CACNB4: variants seen among roughly 807,000 people sequenced by gnomAD.
CACNB4 encodes the protein calcium voltage-gated channel auxiliary subunit beta 4.
In CACNB4, 32 loss-of-function variants were observed where a neutral mutation model predicts 71.2. The observed-to-expected ratio is 0.45, with a 90% confidence interval of 0.34 to 0.60. CACNB4 has a LOEUF of 0.60. CACNB4 is among the 20% of genes least tolerant of loss of function. The pLI is 0.01. For synonymous variants in CACNB4, 231 were observed against 236.9 expected, an observed-to-expected ratio of 0.97 and a Z score of 0.23; for missense variants, 464 against 647.9, an observed-to-expected ratio of 0.72 and a Z score of 3.08.
chr2:151,993,331 A>C (rs1324598789), intron 2 of CACNB4, among the ~76,000 whole-genome samples: 1 of 152,090 alleles, frequency 6.6e-6, no homozygotes, highest in Non-Finnish European at 1.5e-5. Flanking sequence ...CAGGGACAGG[A>C]AATAGGAGCC....
intron 2 of CACNB4, chr2:151,972,399 G>A (rs78968556): frequency 0.014 from 2,173 of 152,418 alleles, 25 homozygotes; most frequent in Middle Eastern, 0.044. Flanking sequence ...CTGGCTTACT[G>A]AACTCCTGTA....
chr2:151,904,993 A>T (rs1346618598), intron 2 of CACNB4, among the ~76,000 whole-genome samples: 1 of 152,204 alleles, frequency 6.6e-6, no homozygotes, highest in East Asian at 1.9e-4. Context: ...TTCAAAAAGA[A>T]GAACTAGAAT....
chr2:151,970,935 C>T (rs2099872352), intron 2 of CACNB4: 1 of 150,956 alleles, frequency 6.6e-6, no homozygotes, highest in Non-Finnish European at 1.5e-5. Flanking sequence ...AAAAAGGCTC[C>T]ACAGGACTCA....
intron 2 of CACNB4, among the ~76,000 whole-genome samples, chr2:151,898,714 T>C (rs1323251790): frequency 6.6e-6 from 1 of 152,274 alleles, no homozygotes; most frequent in Non-Finnish European, 1.5e-5. Flanking sequence ...TTATTAAAAA[T>C]AGGTCTTTTG....
intron 9 of CACNB4, among the ~76,000 whole-genome samples, chr2:151,862,726 GA>G (rs1280040044): frequency 2.0e-5 from 3 of 152,160 alleles, no homozygotes; most frequent in Non-Finnish European, 2.9e-5. Flanking sequence ...TACCAAGAGG[GA>G]AACTGAGACA....
chr2:151,974,392 A>G (rs182931529), intron 2 of CACNB4, among the ~76,000 whole-genome samples: 10 of 152,344 alleles, frequency 6.6e-5, no homozygotes, highest in African/African-American at 2.4e-4. Context: ...AAAAATGACT[A>G]GAATAAACAG....
At chr2:152,038,272 A>T (rs1466463974) in intron 2 of CACNB4, among the ~76,000 whole-genome samples, 2 of 152,222 alleles carry the variant, frequency 1.3e-5, no homozygotes. Context: ...GGTAACTCTC[A>T]CACCAGAGTG....
intron 2 of CACNB4, among the ~76,000 whole-genome samples, chr2:152,062,952 A>G (rs1204171542): frequency 2.0e-5 from 3 of 152,228 alleles, no homozygotes; most frequent in Non-Finnish European, 2.9e-5. Flanking sequence ...GATTAGCTTT[A>G]GGGTGTGGGC....
intron 2 of CACNB4, among the ~76,000 whole-genome samples, chr2:152,059,761 T>G (rs1446044729): frequency 2.0e-5 from 3 of 152,176 alleles, no homozygotes; most frequent in African/African-American, 7.2e-5. Flanking sequence ...ACATGAAATT[T>G]GGGAGAGGCC....
intron 2 of CACNB4, among the ~76,000 whole-genome samples, chr2:151,999,902 C>A (rs766795271): frequency 2.6e-5 from 4 of 152,202 alleles, no homozygotes; most frequent in Admixed American, 6.5e-5. Flanking sequence ...AGTAATAACA[C>A]TTCCCACCTA....
chr2:152,036,153 G>A (rs1400059879), intron 2 of CACNB4, among the ~76,000 whole-genome samples: 1 of 152,174 alleles, frequency 6.6e-6, no homozygotes, highest in Non-Finnish European at 1.5e-5. Flanking sequence ...GCCAAGCACC[G>A]GGAGGAGGTG....
chr2:151,924,573 T>G (rs185230231), intron 2 of CACNB4, among the ~76,000 whole-genome samples: 66 of 151,942 alleles, frequency 4.3e-4, no homozygotes, highest in Admixed American at 4.0e-3. Flanking sequence ...TTACATCATA[T>G]AATATGTATA....
chr2:152,098,581 C>CCCCCAGCAAA lies in CACNB4; in HGVS notation c.64-169_64-168insTTTGCTGGGG. The stretch of plus-strand genomic sequence containing the variant: ...CAAATACAGCCCCCACCCCCACCCA[C>CCCCCAGCAAA]CCACTGCAAGCCTCGACTGCTGAAA... On this transcript the variant is annotated intron_variant, in intron 1 of 13. Transcript: ENST00000539935. This position sits in a 1 kb window ranked among gnomAD's most constrained non-coding sequence, Gnocchi z 5.3. The CCCCCAGCAAA allele has an allele frequency of 1.0e-6, 1 of 989,626 alleles. No homozygotes were observed. The highest frequency in any genetic ancestry group is 1.6e-6 in the Non-Finnish European group (1 of 633,102). The allele number at this position is 989,626 out of a possible 1,614,324, so 61.3% of individuals were successfully genotyped here. A position where few individuals can be genotyped will look rare whatever the true frequency, so the allele number is the denominator to read the frequency against.
chr2:151,934,906 T>C (rs1352617012), intron 2 of CACNB4, among the ~76,000 whole-genome samples: 1 of 152,252 alleles, frequency 6.6e-6, no homozygotes, highest in Admixed American at 6.5e-5. Flanking sequence ...ATAATATGCA[T>C]TGATTAACTG....
chr2:152,029,441 C>G (rs1684145227), intron 2 of CACNB4, among the ~76,000 whole-genome samples: 1 of 146,546 alleles, frequency 6.8e-6, no homozygotes, highest in Non-Finnish European at 1.5e-5. Context: ...TTGCAGTGAG[C>G]CAAGACCACG....
At chr2:151,990,672 C>T (rs1369695488) in intron 2 of CACNB4, among the ~76,000 whole-genome samples, 2 of 152,140 alleles carry the variant, frequency 1.3e-5, no homozygotes, top group African/African-American at 4.8e-5. Flanking sequence ...ATTCTGATCC[C>T]TTTTACCTTC....
At chr2:151,908,574 G>C (rs1012994513) in intron 2 of CACNB4, among the ~76,000 whole-genome samples, 10 of 152,166 alleles carry the variant, frequency 6.6e-5, no homozygotes, top group Non-Finnish European at 1.3e-4. Flanking sequence ...TGCAGATGAT[G>C]AAAGAGTTAT....
chr2:151,901,136 G>GGT (rs987818237), intron 2 of CACNB4, among the ~76,000 whole-genome samples: 156 of 151,848 alleles, frequency 1.0e-3, no homozygotes, highest in African/African-American at 3.3e-3. Context: ...TGGAACTACA[G>GGT]GTGTGTGCCA....
At chr2:151,967,019 C>T (rs979108142) in intron 2 of CACNB4, 2 of 146,930 alleles carry the variant, frequency 1.4e-5, no homozygotes, top group African/African-American at 5.0e-5. Context: ...CAACCCCTGG[C>T]AATATGGCGC....
Sources: gnomAD v4.1 joint callset for allele counts (sites outside exome capture counted in the v4.1 genomes callset) on GRCh38, gnomAD v4.1.1 for gene constraint, Gnocchi (gnomAD v3.1) non-coding constraint, MANE v1.5 for transcripts, NCBI Gene and HGNC (gene_info 2026-07-23, HGNC 2026-07-21) for gene names.